KAZN: variants seen among roughly 807,000 people sequenced by gnomAD.
The protein encoded by KAZN is kazrin.
Under a neutral mutation model 87.4 loss-of-function variants are expected in KAZN, and 40 were observed. That is an observed-to-expected ratio of 0.46 (90% CI 0.36 to 0.60). The LOEUF (loss-of-function observed/expected upper bound fraction) is 0.60, where lower values mean the gene tolerates loss of function less well. Among genes scored for constraint, KAZN ranks in the 20% least tolerant of loss-of-function variants. The probability of loss-of-function intolerance (pLI) is 0.00; values close to 1 mark genes in which losing one functional copy is unlikely to be tolerated. For synonymous variants in KAZN, 466 were observed against 458.3 expected, an observed-to-expected ratio of 1.02 and a Z score of -0.22; for missense variants, 898 against 1,073.9, an observed-to-expected ratio of 0.84 and a Z score of 2.29.
intron 2 of KAZN, among the ~76,000 whole-genome samples, chr1:14,488,020 C>A (rs902477355): frequency 3.3e-5 from 5 of 152,176 alleles, no homozygotes; most frequent in Admixed American, 1.3e-4. Flanking sequence ...GACTAAGGAG[C>A]TTTGAGAGTA....
intron 1 of KAZN, among the ~76,000 whole-genome samples, chr1:14,601,038 G>C (rs1408792702): frequency 6.6e-6 from 1 of 152,100 alleles, no homozygotes; most frequent in Non-Finnish European, 1.5e-5. Context: ...AAATGCACAG[G>C]GCTGTGGAAA....
At chr1:14,899,042 G>T (rs1655568901) in intron 1 of KAZN, among the ~76,000 whole-genome samples, 1 of 152,156 alleles carries the variant, frequency 6.6e-6, no homozygotes, top group Non-Finnish European at 1.5e-5. Flanking sequence ...CTCTGCACTA[G>T]ATCACTATGT....
At chr1:14,290,867 T>G (rs1653631148) in intron 2 of KAZN, among the ~76,000 whole-genome samples, 1 of 152,234 alleles carries the variant, frequency 6.6e-6, no homozygotes, top group South Asian at 2.1e-4. Context: ...GGTTTTGGTG[T>G]GGATGTCCTT....
At chr1:13,982,523 C>T (rs1638781346) in intron 1 of KAZN, among the ~76,000 whole-genome samples, 1 of 152,176 alleles carries the variant, frequency 6.6e-6, no homozygotes, top group Non-Finnish European at 1.5e-5. Flanking sequence ...AACAAAGCTT[C>T]CACAGCATGG....
intron 1 of KAZN, chr1:14,692,282 T>A (rs1641361216): frequency 2.8e-6 from 2 of 702,266 alleles, no homozygotes; most frequent in Admixed American, 6.5e-5. Flanking sequence ...GGGATTCTTG[T>A]AGGATCTCTG....
At chr1:14,663,969 C>T (rs535917436) in intron 1 of KAZN, among the ~76,000 whole-genome samples, 160 of 152,292 alleles carry the variant, frequency 1.1e-3, no homozygotes, top group Middle Eastern at 3.4e-3. Flanking sequence ...TCTGTCCACA[C>T]AGTGGAATAT....
At chr1:15,000,177 A>T (rs939486037) in intron 2 of KAZN, among the ~76,000 whole-genome samples, 1 of 149,164 alleles carries the variant, frequency 6.7e-6, no homozygotes, top group African/African-American at 2.6e-5. Context: ...AGTCAGAGAG[A>T]TCTGAAGGTG....
chr1:14,842,038 C>T (rs576901655), intron 1 of KAZN, among the ~76,000 whole-genome samples: 1 of 152,300 alleles, frequency 6.6e-6, no homozygotes, highest in South Asian at 2.1e-4. Context: ...GAGTCCTTCC[C>T]TAACTGCAGC....
chr1:14,755,146 A>C (rs1644525865), intron 1 of KAZN, among the ~76,000 whole-genome samples: 1 of 151,340 alleles, frequency 6.6e-6, no homozygotes, highest in Non-Finnish European at 1.5e-5. Flanking sequence ...CCAGCTACTC[A>C]GGAGGCTGAG....
intron 1 of KAZN, among the ~76,000 whole-genome samples, chr1:14,828,775 A>T (rs2100865074): frequency 6.6e-6 from 1 of 152,232 alleles, no homozygotes; most frequent in African/African-American, 2.4e-5. Flanking sequence ...TCAGGAACCC[A>T]GTCTCTTTCC....
chr1:15,020,032 C>T lies in KAZN; in HGVS notation c.419-14717C>T, dbSNP rs143836540. Among the ~76,000 whole-genome samples the T allele has an allele frequency of 2.3e-3, 349 of 152,234 alleles. 2 individuals are homozygous for T. The highest frequency in any genetic ancestry group is 3.4e-3 in the Non-Finnish European group (228 of 67,998). On this transcript the variant is annotated intron_variant, in intron 2 of 14. Coordinates refer to ENST00000376030, the MANE Select transcript of KAZN (RefSeq NM_201628.3). ...TGAACCCAGGACCAACCCCACAGCT[C>T]ATCTTCCTTCCCCAGCCCCAGGGGC... is the stretch of plus-strand genomic sequence containing the variant.
rs571913692 is a variant in KAZN, at chr1:14,392,006, A to G, written c.250-206977A>G. On this transcript the variant is annotated intron_variant, in intron 2 of 16. Coordinates refer to the KAZN transcript ENST00000636203. ...CTAAATCATGACTGGATAGCTGTGA[A>G]CTCTGGCATCCAGGAATATGACAAG... Among the ~76,000 whole-genome samples the G allele has an allele frequency of 6.6e-4, 101 of 152,238 alleles. 1 individual carries two copies. Among genetic ancestry groups the G allele is most frequent in the African/African-American group, 2.3e-3 (95 of 41,528 alleles).
At chr1:14,074,474 G>A (rs1643368190) in intron 1 of KAZN, among the ~76,000 whole-genome samples, 1 of 152,208 alleles carries the variant, frequency 6.6e-6, no homozygotes, top group South Asian at 2.1e-4. Context: ...TCCTGGGGAT[G>A]GACCTGGGGA....
intron 1 of KAZN, among the ~76,000 whole-genome samples, chr1:14,868,793 A>G (rs960987427): frequency 1.3e-5 from 2 of 151,928 alleles, no homozygotes; most frequent in Admixed American, 1.3e-4. Flanking sequence ...GCAGTGAGCT[A>G]TGATCATGCC....
intron 2 of KAZN, among the ~76,000 whole-genome samples, chr1:14,429,541 T>C (rs1280252582): frequency 6.6e-6 from 1 of 152,160 alleles, no homozygotes; most frequent in African/African-American, 2.4e-5. Context: ...TGGGATACAC[T>C]ATGGCAGGCA....
At chr1:14,002,525 C>T (rs1261594758) in intron 1 of KAZN, among the ~76,000 whole-genome samples, 1 of 152,218 alleles carries the variant, frequency 6.6e-6, no homozygotes, top group Non-Finnish European at 1.5e-5. Context: ...GAGGCCTCCC[C>T]AGCCATGTGG....
intron 2 of KAZN, among the ~76,000 whole-genome samples, chr1:14,192,473 A>T (rs966764799): frequency 6.6e-6 from 1 of 152,174 alleles, no homozygotes; most frequent in Non-Finnish European, 1.5e-5. Flanking sequence ...AAAGACCTGT[A>T]TAAAGCTACA....
At chr1:14,633,879 T>C (rs1679763213) in intron 1 of KAZN, among the ~76,000 whole-genome samples, 1 of 151,542 alleles carries the variant, frequency 6.6e-6, no homozygotes, top group African/African-American at 2.4e-5. Context: ...TCTCTCTCTC[T>C]CTCTCTATAT....
At chr1:14,991,074 C>T (rs974181374) in intron 2 of KAZN, among the ~76,000 whole-genome samples, 8 of 151,676 alleles carry the variant, frequency 5.3e-5, no homozygotes, top group African/African-American at 9.7e-5. Flanking sequence ...AACCCTTGGC[C>T]GGGCGCAGAG....
Sources: allele counts gnomAD v4.1 joint callset (sites outside exome capture counted in the v4.1 genomes callset), GRCh38; gene constraint gnomAD v4.1.1; transcripts MANE v1.5; gene names NCBI Gene and HGNC (gene_info 2026-07-23, HGNC 2026-07-21).